KLHL32: variants seen among roughly 807,000 people sequenced by gnomAD.
KLHL32 encodes kelch-like protein 32.
A neutral mutation model predicts 64.8 loss-of-function variants in KLHL32; 35 were observed. That is an observed-to-expected ratio of 0.54 (90% confidence interval 0.41 to 0.72). The LOEUF (loss-of-function observed/expected upper bound fraction) is 0.72, where lower values mean the gene tolerates loss of function less well. Ranked by LOEUF, KLHL32 falls within the 30% of genes least tolerant of loss-of-function variation. The pLI, the probability that KLHL32 is intolerant of heterozygous loss-of-function variation, is 0.00. For missense variants in KLHL32, 589 were observed against 768.5 expected, an observed-to-expected ratio of 0.77 and a Z score of 2.76; for synonymous variants, 259 against 281.0, an observed-to-expected ratio of 0.92 and a Z score of 0.78.
intron 3 of KLHL32, among the ~76,000 whole-genome samples, chr6:96,999,267 G>A (rs1002436257): frequency 1.3e-5 from 2 of 151,898 alleles, no homozygotes; most frequent in Admixed American, 1.3e-4. Context: ...ATGGTCACAC[G>A]TGCCTGTAGT....
intron 2 of KLHL32, among the ~76,000 whole-genome samples, chr6:96,970,614 A>C (rs1233971684): frequency 2.0e-5 from 3 of 152,226 alleles, no homozygotes; most frequent in African/African-American, 4.8e-5. Context: ...TTTTATCCCC[A>C]GTACCCAGCA....
chr6:96,910,218 C>A, the KLHL32 span, among the ~76,000 whole-genome samples: 1 of 152,044 alleles, frequency 6.6e-6, no homozygotes, highest in Admixed American at 6.5e-5. Flanking sequence ...CCACATATGA[C>A]CTCCCTGTTT....
At chr6:97,042,904 T>G (rs1785346219) in intron 4 of KLHL32, among the ~76,000 whole-genome samples, 1 of 152,214 alleles carries the variant, frequency 6.6e-6, no homozygotes, top group Non-Finnish European at 1.5e-5. Flanking sequence ...GTTGATTGAT[T>G]CTTCGTGAAA....
At chr6:97,010,365 C>T (rs1780240579) in intron 3 of KLHL32, 1 of 152,086 alleles carries the variant, frequency 6.6e-6, no homozygotes, top group Non-Finnish European at 1.5e-5. Context: ...ATATGTCTGT[C>T]TCTCCCTCTC....
At chr6:97,067,904 C>T (rs9398307) in intron 5 of KLHL32, among the ~76,000 whole-genome samples, 16,969 of 152,002 alleles carry the variant, frequency 0.11, 1,064 homozygotes, top group African/African-American at 0.18. Context: ...TTGGGACTTG[C>T]CATTAGGGGA....
chr6:97,001,742 G>A (rs1779060602), intron 3 of KLHL32, among the ~76,000 whole-genome samples: 3 of 152,196 alleles, frequency 2.0e-5, no homozygotes, highest in Admixed American at 6.5e-5. Context: ...AATAGTCATG[G>A]TCTATTAGGT....
At chr6:96,967,120 G>A (rs1196623549) in intron 2 of KLHL32, 37 bp downstream of exon 2, 4 of 1,603,800 alleles carry the variant, frequency 2.5e-6, no homozygotes, top group Non-Finnish European at 3.4e-6. Flanking sequence ...ATGCCGTAGT[G>A]AGCCCTGAAA....
intron 3 of KLHL32, among the ~76,000 whole-genome samples, chr6:97,008,623 G>A (rs1452761268): frequency 1.3e-5 from 2 of 152,070 alleles, no homozygotes; most frequent in African/African-American, 2.4e-5. Flanking sequence ...AGGTCATGGG[G>A]TCTCCTGCTG....
chr6:97,038,430 A>C (rs1331584860), intron 3 of KLHL32, among the ~76,000 whole-genome samples: 1 of 152,174 alleles, frequency 6.6e-6, no homozygotes, highest in Non-Finnish European at 1.5e-5. Context: ...AAGGTCACTG[A>C]GCATCAGAAG....
At chr6:97,051,780 C>G (rs984701868) in intron 4 of KLHL32, among the ~76,000 whole-genome samples, 1 of 151,984 alleles carries the variant, frequency 6.6e-6, no homozygotes, top group Non-Finnish European at 1.5e-5. Flanking sequence ...TTGGTTAGTT[C>G]CTTAAATTTC....
intron 3 of KLHL32, among the ~76,000 whole-genome samples, chr6:97,022,509 G>A (rs1185191070): frequency 7.5e-6 from 1 of 134,228 alleles, no homozygotes; most frequent in East Asian, 2.1e-4. Flanking sequence ...CACTCTTGTT[G>A]CCCAGGCTGG....
At chr6:97,084,291 T>C (rs887623110) in intron 5 of KLHL32, among the ~76,000 whole-genome samples, 13 of 152,184 alleles carry the variant, frequency 8.5e-5, no homozygotes, top group African/African-American at 3.1e-4. Flanking sequence ...ATGCAAATTT[T>C]CTTTCAACAA....
intron 3 of KLHL32, among the ~76,000 whole-genome samples, chr6:96,982,733 A>T (rs1396720100): frequency 6.6e-6 from 1 of 152,134 alleles, no homozygotes; most frequent in African/African-American, 2.4e-5. Flanking sequence ...TTGATTTTGT[A>T]TCCTGAGATG....
At chr6:96,976,268 G>A (rs1053845878) in intron 3 of KLHL32, 91 bp downstream of exon 3, 7 of 1,239,138 alleles carry the variant, frequency 5.6e-6, no homozygotes, top group Admixed American at 2.3e-5. Context: ...AGCCAATTAG[G>A]TGGTACCCCC....
At chr6:97,056,346 C>T (rs1053569991) in intron 4 of KLHL32, among the ~76,000 whole-genome samples, 4 of 152,062 alleles carry the variant, frequency 2.6e-5, no homozygotes, top group Non-Finnish European at 4.4e-5. Context: ...ACCTCGTGAT[C>T]CTCCCGCCTT....
At chr6:96,940,123 T>C (rs1410166288) in intron 1 of KLHL32, among the ~76,000 whole-genome samples, 1 of 152,186 alleles carries the variant, frequency 6.6e-6, no homozygotes, top group Admixed American at 6.5e-5. Context: ...ATATGGGTTA[T>C]AGTACTAATC....
intron 3 of KLHL32, among the ~76,000 whole-genome samples, chr6:97,019,946 A>T (rs1051151589): frequency 3.5e-5 from 4 of 115,068 alleles, no homozygotes; most frequent in African/African-American, 1.4e-4. Context: ...CTCCCGGCGA[A>T]TTTTTTTTTT....
Position 97,139,180 on chromosome 6 carries a change from T to G in KLHL32, c.1761T>G (p.Phe587Leu), listed in dbSNP as rs780550698. 6.2e-7 allele frequency: 1 copy of G among 1,614,108 alleles called. No homozygotes were observed. Among genetic ancestry groups the G allele is most frequent in the East Asian group, 2.2e-5 (1 of 44,862 alleles). ...EEVFYGPTLPFASNGIAACFL... is the reference protein window; with the variant it reads ...EEVFYGPTLPLASNGIAACFL... ...TATTCTATGGGCCTACACTCCCTTTTGCTTCCAATGGAATAGCAGCATGCT... is the reference window on the plus strand; with the variant it reads ...TATTCTATGGGCCTACACTCCCTTTGGCTTCCAATGGAATAGCAGCATGCT... Residue 587 changes from phenylalanine (F) to leucine (L), a missense_variant, in exon 11 of 11, where the codon TTT becomes TTG. Around this residue, in one of 3 missense-constraint regions of KLHL32, gnomAD observed 172 missense variants for 192.0 expected, o/e 0.90. Transcript: ENST00000369261.
intron 4 of KLHL32, among the ~76,000 whole-genome samples, chr6:97,049,937 T>C (rs1222812594): frequency 6.6e-6 from 1 of 152,204 alleles, no homozygotes; most frequent in Non-Finnish European, 1.5e-5. Context: ...AGTCAGGTCA[T>C]GTAGGAGGGC....
Sources: gnomAD v4.1 joint callset for allele counts (sites outside exome capture counted in the v4.1 genomes callset) on GRCh38, gnomAD v4.1.1 for gene constraint, gnomAD v4.1.1 regional missense constraint, MANE v1.5 for transcripts, NCBI Gene and HGNC (gene_info 2026-07-23, HGNC 2026-07-21) for gene names.